The following ATG12 variants were observed in gnomAD, a reference collection of about 807,000 sequenced individuals.
ATG12 encodes the protein ubiquitin-like protein ATG12.
ATG12 carries 19 observed loss-of-function variants against 17.6 expected under a neutral mutation model. That is an observed-to-expected ratio of 1.08 (90% CI 0.75 to 1.58). The LOEUF is 1.58. ATG12 is among the 40% of genes most tolerant of loss of function. The pLI, the probability that ATG12 is intolerant of heterozygous loss-of-function variation, is 0.00. For synonymous variants in ATG12, 75 were observed against 62.4 expected, an observed-to-expected ratio of 1.20 and a Z score of -0.95; for missense variants, 214 against 162.0, an observed-to-expected ratio of 1.32 and a Z score of -1.74.
At chr5:115,835,887 T>C (rs1276298149) in intron 2 of ATG12, among the ~76,000 whole-genome samples, 1 of 152,118 alleles carries the variant, frequency 6.6e-6, no homozygotes, top group Admixed American at 6.6e-5. Context: ...GGGGATACCT[T>C]ATCACCTAGT....
rs747483065 is a variant in ATG12 at position 115,837,612 on chromosome 5, A to C, written c.300+16T>G. The C allele has an allele frequency of 2.5e-6, 4 of 1,607,916 alleles. No homozygotes were observed. The highest frequency in any genetic ancestry group is 3.4e-6 in the Non-Finnish European group (4 of 1,178,858). ...CTGCAAATTTTTGTAGGAAAACATC[A>C]CCATTGGTTTCATACCAACTGTTCT... is the stretch of plus-strand genomic sequence containing the variant. On this transcript the variant is annotated intron_variant, in intron 2 of 3. Transcript: ENST00000509910.
intron 2 of ATG12, among the ~76,000 whole-genome samples, chr5:115,834,754 G>A (rs542066892): frequency 6.6e-6 from 1 of 152,010 alleles, no homozygotes; most frequent in Non-Finnish European, 1.5e-5. Context: ...AAAGTTTGAC[G>A]ACAGCCTAAC....
At chr5:115,834,642 C>G (rs2112722463) in intron 2 of ATG12, among the ~76,000 whole-genome samples, 1 of 152,262 alleles carries the variant, frequency 6.6e-6, no homozygotes, top group Middle Eastern at 3.4e-3. Flanking sequence ...TCATGGTTCA[C>G]TGGAATAGCA....
intron 3 of ATG12, 82 bp downstream of exon 3, chr5:115,832,520 T>C (rs1277966930): frequency 1.5e-6 from 2 of 1,363,650 alleles, no homozygotes; most frequent in South Asian, 1.6e-5. Context: ...ACAATATACA[T>C]ATTATACAGA....
rs957250250 is a variant in ATG12, at chr5:115,837,618, G to C, written c.300+10C>G. 1 of 1,608,876 alleles carries C rather than the reference G, an allele frequency of 6.2e-7. No homozygotes were observed. The highest frequency in any genetic ancestry group is 1.3e-5 in the African/African-American group (1 of 74,712). ...ATTTTTGTAGGAAAACATCACCATT[G>C]GTTTCATACCAACTGTTCTGAGGCC... On this transcript the variant is annotated intron_variant, in intron 2 of 3. Transcript: ENST00000509910.
At chr5:115,837,595 T>C in intron 2 of ATG12, 33 bp downstream of exon 2, 1 of 1,607,508 alleles carries the variant, frequency 6.2e-7, no homozygotes, top group Non-Finnish European at 8.5e-7. Flanking sequence ...TACTGCAAAT[T>C]TTTGTAGGAA....
rs1760848559 is a variant in ATG12 at position 115,831,009 on chromosome 5, A to ATT, written c.*794_*795insAA. The ATT allele has an allele frequency of 1.3e-5, 2 of 152,192 alleles. No individual in the cohort carries two copies. Among genetic ancestry groups the ATT allele is most frequent in the Admixed American group, 1.3e-4 (2 of 15,274 alleles). 9.4% of individuals were successfully genotyped at this position (152,192 alleles called of 1,614,324 possible). A position where few individuals can be genotyped will look rare whatever the true frequency, so the allele number is the denominator to read the frequency against. On this transcript the variant is annotated 3_prime_UTR_variant, in exon 4 of 4. Coordinates refer to ENST00000509910, the MANE Select transcript of ATG12 (RefSeq NM_004707.4). ...GGAAAATGCATTATGAAACACTCAA[A>ATT]AAGATGCTACTGGGTTTACTCATCA...
rs1335659935 is a variant in ATG12 at position 115,829,232 on chromosome 5, C to G, written c.*2572G>C. 2 of 152,190 alleles carry G rather than the reference C, an allele frequency of 1.3e-5. No individual in the cohort carries two copies. The highest frequency in any genetic ancestry group is 2.9e-5 in the Non-Finnish European group (2 of 68,040). 9.4% of individuals were successfully genotyped at this position (152,190 alleles called of 1,614,324 possible). A position where few individuals can be genotyped will look rare whatever the true frequency, so the allele number is the denominator to read the frequency against. On this transcript the variant is annotated 3_prime_UTR_variant, in exon 4 of 4. Coordinates refer to ENST00000509910, the MANE Select transcript of ATG12 (RefSeq NM_004707.4). ...TAATCCTTGGAAAATGAAGCAGAAA[C>G]TGCATGAAAAGAGATTTTTATTTTC...
chr5:115,838,304 T>C (rs1312470501), intron 1 of ATG12: 1 of 152,268 alleles, frequency 6.6e-6, no homozygotes, highest in African/African-American at 2.4e-5. Context: ...TAAGCATTTA[T>C]TTTTATATGA....
At chr5:115,832,726 T>G (rs1760938610) in intron 2 of ATG12, 62 bp from the exon 3 acceptor site, 1 of 1,395,698 alleles carries the variant, frequency 7.2e-7, no homozygotes, top group Non-Finnish European at 9.5e-7. Flanking sequence ...TGCATTTTTC[T>G]GCATTCCAAT....
chr5:115,838,771 T>G (rs1347091053), intron 1 of ATG12: 1 of 152,166 alleles, frequency 6.6e-6, no homozygotes, highest in Non-Finnish European at 1.5e-5. Flanking sequence ...CTCTCAGACA[T>G]AAAGTTATTT....
chr5:115,831,954 CCA>C lies in ATG12; in HGVS notation c.364-93_364-92del, dbSNP rs1212235169. On this transcript the variant is annotated intron_variant, in intron 3 of 3. Coordinates refer to ENST00000509910, the MANE Select transcript of ATG12 (RefSeq NM_004707.4). Reference sequence around the variant, plus strand: ...TAAATGCCACATGTATCATAAATATCCACACACGTATATTAAGTTACCTATGT... The same window carrying C: ...TAAATGCCACATGTATCATAAATATCCACACGTATATTAAGTTACCTATGT... 2.5e-5 allele frequency: 30 copies of C among 1,211,786 alleles called. 1 individual carries two copies. In the Middle Eastern group the frequency reaches 1.8e-3, roughly 73 times the overall value. 75.1% of individuals were successfully genotyped at this position (1,211,786 alleles called of 1,614,324 possible). A position where few individuals can be genotyped will look rare whatever the true frequency, so the allele number is the denominator to read the frequency against.
chr5:115,831,991 T>C lies in ATG12; in HGVS notation c.364-128A>G, dbSNP rs531287366. On this transcript the variant is annotated intron_variant, in intron 3 of 3. Transcript: ENST00000509910. ...ATTAAGTTACCTATGTTACAGGCTA[T>C]CTCTTTCAAAGGATGCCTGTTTCTA... The C allele has an allele frequency of 7.1e-5, 59 of 831,384 alleles. No homozygotes were observed. In the African/African-American group the frequency reaches 9.3e-4, roughly 13 times the overall value. 51.5% of individuals were successfully genotyped at this position (831,384 alleles called of 1,614,324 possible).
At chr5:115,837,889 A>C in intron 1 of ATG12, 125 bp from the exon 2 acceptor site, 1 of 765,016 alleles carries the variant, frequency 1.3e-6, no homozygotes, top group Non-Finnish European at 1.9e-6. Flanking sequence ...GATACTGAAG[A>C]TATGTGAGAG....
intron 1 of ATG12, chr5:115,839,281 T>C (rs938405923): frequency 8.6e-5 from 13 of 151,620 alleles, no homozygotes; most frequent in Non-Finnish European, 5.9e-5. Context: ...GGTCATTTTA[T>C]TCAAGTTTAC....
intron 2 of ATG12, among the ~76,000 whole-genome samples, chr5:115,836,902 G>A (rs1270547140): frequency 6.6e-6 from 1 of 152,234 alleles, no homozygotes; most frequent in African/African-American, 2.4e-5. Context: ...AACTGCCACT[G>A]TGAAGTGCTT....
intron 2 of ATG12, among the ~76,000 whole-genome samples, chr5:115,836,589 T>C (rs527898038): frequency 3.3e-5 from 5 of 152,316 alleles, no homozygotes; most frequent in East Asian, 1.9e-4. Context: ...GCTTTAATGA[T>C]AGTTCACTTG....
intron 1 of ATG12, among the ~76,000 whole-genome samples, chr5:115,840,296 C>A: frequency 7.4e-6 from 1 of 135,070 alleles, no homozygotes; most frequent in African/African-American, 2.7e-5. Flanking sequence ...AGACCAATGT[C>A]TTTTTTTTTT....
chr5:115,829,349 G>A lies in ATG12; in HGVS notation c.*2455C>T, dbSNP rs1020332051. On this transcript the variant is annotated 3_prime_UTR_variant, in exon 4 of 4. Coordinates refer to ENST00000509910, the MANE Select transcript of ATG12 (RefSeq NM_004707.4). The stretch of plus-strand genomic sequence containing the variant: ...TAATCTGAGAAATACACTGTACTTC[G>A]TTCTAGTAGATATTTAAGGTCCCTT... The A allele has an allele frequency of 2.8e-4, 42 of 152,156 alleles. No individual in the cohort carries two copies. Among genetic ancestry groups the A allele is most frequent in the African/African-American group, 9.4e-4 (39 of 41,438 alleles). 9.4% of individuals were successfully genotyped at this position (152,156 alleles called of 1,614,324 possible).
Sources: allele counts gnomAD v4.1 joint callset (sites outside exome capture counted in the v4.1 genomes callset), GRCh38; gene constraint gnomAD v4.1.1; transcripts MANE v1.5; gene names NCBI Gene and HGNC (gene_info 2026-07-23, HGNC 2026-07-21).